The following TEDC1 variants were observed in gnomAD, a reference collection of about 807,000 sequenced individuals.
TEDC1 encodes tubulin epsilon and delta complex 1.
Under a neutral mutation model 59.9 loss-of-function variants are expected in TEDC1, and 54 were observed. The observed-to-expected ratio is 0.90, with a 90% CI of 0.72 to 1.13. The LOEUF (loss-of-function observed/expected upper bound fraction) is 1.13. Among genes scored for constraint, TEDC1 ranks in the 50% most tolerant of loss-of-function variants. The probability of loss-of-function intolerance (pLI) is 0.00; values close to 1 mark genes in which losing one functional copy is unlikely to be tolerated. For synonymous variants in TEDC1, 353 were observed against 298.1 expected (o/e 1.18, Z -1.90); for missense variants, 734 against 683.4 (o/e 1.07, Z -0.83).
intron 6 of TEDC1, chr14:105,496,765 C>G (rs903393773): frequency 1.9e-5 from 3 of 159,258 alleles, no homozygotes; most frequent in Non-Finnish European, 4.1e-5. Flanking sequence ...TCTCCTGGCC[C>G]TGCCTGACCC....
chr14:105,492,469 G>A, intron 3 of TEDC1, 110 bp from the exon 4 acceptor site: 2 of 1,457,776 alleles, frequency 1.4e-6, no homozygotes, highest in Non-Finnish European at 1.8e-6. Flanking sequence ...GGCTCCCTGT[G>A]CAGGGAGCAC....
In TEDC1 at chr14:105,498,734, C is replaced by T; in HGVS notation, c.1276C>T (p.Gln426Ter). 1 of 1,557,324 alleles carries T rather than the reference C, an allele frequency of 6.4e-7. No homozygotes were observed. Among genetic ancestry groups the T allele is most frequent in the East Asian group, 2.4e-5 (1 of 41,650 alleles). The change falls in exon 9 of 9, where the codon CAG (glutamine) becomes TAG (stop). Residue 426 changes from glutamine to a stop codon, truncating the protein, a stop_gained. Coordinates refer to ENST00000392523, the MANE Select transcript of TEDC1 (RefSeq NM_001367178.1). LOFTEE classifies it high-confidence loss of function. ...CTGGGAGCGAGACGGTGGCCCGGCC[C>T]AGCCCCATGGGCCACACCGGCTGGT... ...QCWERDGGPA[Q>*]PHGPHRLVRR...
At position 105,497,509 on chromosome 14, in the gene TEDC1, G is replaced by C; in HGVS notation, c.978+66G>C. 2.0e-6 allele frequency: 3 copies of C among 1,506,150 alleles called. No individual in the cohort carries two copies. The South Asian group carries it at 3.6e-5, about 18-fold the overall frequency. The allele number at this position is 1,506,150 out of a possible 1,614,324, so 93.3% of individuals were successfully genotyped here. A position where few individuals can be genotyped will look rare whatever the true frequency, so the allele number is the denominator to read the frequency against. On this transcript the variant is annotated intron_variant, in intron 7 of 8. Transcript: ENST00000392523. ...ACAGCAGCCCCCAGGTGGGGCATTC[G>C]GGATCTTCCTGTTTTCCAGACAGGA...
In TEDC1 at chr14:105,496,128, T is replaced by G. The variant is rs587633790; in HGVS notation, c.891+42T>G. On this transcript the variant is annotated intron_variant, in intron 6 of 8. Transcript: ENST00000392523. ...GGCAGGGAAGTGGAGACCGCAGGAC[T>G]TGGGGGTGGGTGGGAGGGGGTGGCG... is the stretch of plus-strand genomic sequence containing the variant. The G allele has an allele frequency of 7.9e-4, 10 of 12,634 alleles. No homozygotes were observed. In the East Asian group the frequency reaches 0.013, roughly 16 times the overall value. 0.8% of individuals were successfully genotyped at this position (12,634 alleles called of 1,614,324 possible).
Position 105,491,315 on chromosome 14 carries a change from T to G in TEDC1, c.-61T>G. On this transcript the variant is annotated 5_prime_UTR_variant, in exon 1 of 9. The change creates a new upstream start codon in the 5' untranslated region. Transcript: ENST00000392523. ...CACTAAACCCGGCCCGTGCGGTGAT[T>G]GGACGCAGGCCCCGGGCCGCGGCGG... 1 of 1,484,048 alleles carries G rather than the reference T, an allele frequency of 6.7e-7. No individual in the cohort carries two copies. The highest frequency in any genetic ancestry group is 8.9e-7 in the Non-Finnish European group (1 of 1,119,864). 91.9% of individuals were successfully genotyped at this position (1,484,048 alleles called of 1,614,324 possible). A position where few individuals can be genotyped will look rare whatever the true frequency, so the allele number is the denominator to read the frequency against.
At position 105,492,245 on chromosome 14, in the gene TEDC1, C is replaced by A. The variant is rs1555439599; in HGVS notation, c.365C>A (p.Pro122His). The A allele has an allele frequency of 1.2e-6, 2 of 1,611,056 alleles. No homozygotes were observed. Among genetic ancestry groups the A allele is most frequent in the East Asian group, 2.2e-5 (1 of 44,884 alleles). ...LALSWLLARG[P>H]VPEQMLAQAR... Reference sequence around the variant, plus strand: ...CTGTCCTGGCTCTTGGCCCGAGGACCTGTGCCCGAGCAGATGCTGGCCCAG... The same window carrying A: ...CTGTCCTGGCTCTTGGCCCGAGGACATGTGCCCGAGCAGATGCTGGCCCAG... The change falls in exon 3 of 9, where the codon CCT (proline) becomes CAT (histidine). Residue 122 changes from proline (P) to histidine (H), a missense_variant. Coordinates refer to ENST00000392523, the MANE Select transcript of TEDC1 (RefSeq NM_001367178.1).
Position 105,499,014 on chromosome 14 carries a change from A to G in TEDC1, c.*68A>G, listed in dbSNP as rs2084412093. On this transcript the variant is annotated 3_prime_UTR_variant, in exon 9 of 9. Coordinates refer to ENST00000392523, the MANE Select transcript of TEDC1 (RefSeq NM_001367178.1). ...CAGCCTGGCTGGGTCTTGGAGGAGC[A>G]GATTCCAAGGCCAGGTGGCCGCAGG... 2.0e-6 allele frequency: 3 copies of G among 1,472,238 alleles called. No individual in the cohort carries two copies. The allele number at this position is 1,472,238 out of a possible 1,614,324, so 91.2% of individuals were successfully genotyped here. A position where few individuals can be genotyped will look rare whatever the true frequency, so the allele number is the denominator to read the frequency against.
At chr14:105,495,605 C>T in intron 5 of TEDC1, 1 of 410,994 alleles carries the variant, frequency 2.4e-6, no homozygotes, top group Non-Finnish European at 4.4e-6. Flanking sequence ...CTGGCGTTGG[C>T]AGTGCTGAGG....
In TEDC1 at chr14:105,497,778, T is replaced by G. The variant is rs782662004; in HGVS notation, c.979-20T>G. ...TGTCCCCTTGGCTTGGTGCACGCTG[T>G]CTCACTTGGGTCTCTGTAGGACACG... is the stretch of plus-strand genomic sequence containing the variant. On this transcript the variant is annotated intron_variant, in intron 7 of 8. Coordinates refer to ENST00000392523, the MANE Select transcript of TEDC1 (RefSeq NM_001367178.1). 3 of 1,520,346 alleles carry G rather than the reference T, an allele frequency of 2.0e-6. No individual in the cohort carries two copies. The African/African-American group carries it at 4.1e-5, about 21-fold the overall frequency. The allele number at this position is 1,520,346 out of a possible 1,614,324, so 94.2% of individuals were successfully genotyped here.
At position 105,492,702 on chromosome 14, in the gene TEDC1, A is replaced by C; in HGVS notation, c.553A>C (p.Ser185Arg). The change falls in exon 4 of 9, where the codon AGT becomes CGT. Residue 185 changes from serine to arginine, a missense_variant. Transcript: ENST00000392523. The part of the protein sequence containing the change: ...LRFRWRQLVS[S>R]QQEQCALLSK... ...GTTCCGGTGGCGCCAGCTGGTGTCC[A>C]GTCAGCAGGAGCAGTGCGCCCTCCT... The C allele has an allele frequency of 6.5e-7, 1 of 1,544,274 alleles. No homozygotes were observed. Among genetic ancestry groups the C allele is most frequent in the Non-Finnish European group, 8.7e-7 (1 of 1,146,882 alleles).
chr14:105,492,644 C>T lies in TEDC1; in HGVS notation c.495C>T (p.Val165=). Residue 165 remains valine (V), a synonymous_variant, in exon 4 of 9, where the codon GTC becomes GTT. Coordinates refer to ENST00000392523, the MANE Select transcript of TEDC1 (RefSeq NM_001367178.1). ...TGGAAGCAGAGGGTCCTGTGGATGT[C>T]CGCCATGTGCAGTGGCTGATGGGAA... is the stretch of plus-strand genomic sequence containing the variant. ...PHMEAEGPVD[V]RHVQWLMGKL... is the part of the protein sequence containing the mutation. 2.6e-6 allele frequency: 4 copies of T among 1,544,350 alleles called. No homozygotes were observed. Among genetic ancestry groups the T allele is most frequent in the Non-Finnish European group, 3.5e-6 (4 of 1,146,906 alleles).
In TEDC1 at chr14:105,492,310, G is replaced by C. The variant is rs1156587321; in HGVS notation, c.429+1G>C. The C allele has an allele frequency of 1.6e-5, 26 of 1,601,592 alleles. No homozygotes were observed. The highest frequency in any genetic ancestry group is 2.0e-5 in the Non-Finnish European group (24 of 1,179,662). On this transcript the variant is annotated splice_donor_variant, in intron 3 of 8. Coordinates refer to ENST00000392523, the MANE Select transcript of TEDC1 (RefSeq NM_001367178.1). LOFTEE classifies it high-confidence loss of function. ...GGGTGACGAGATGACTGTGTGCCAG[G>C]TGCGTGTGGGTGAGGGTGAGCTGAG...
At chr14:105,497,022 C>T (rs2084361809) in intron 6 of TEDC1, 1 of 427,602 alleles carries the variant, frequency 2.3e-6, no homozygotes, top group Admixed American at 4.3e-5. Flanking sequence ...TGTCCCTGAC[C>T]TTGTTGGACT....
At position 105,491,689 on chromosome 14, in the gene TEDC1, C is replaced by T. The variant is rs782086865; in HGVS notation, c.215C>T (p.Ser72Leu). ...CTCCCTGCGGGCAACGCCTTGGCAT[C>T]GCTCGCCCTGGGTAAGCCCCGCTCC... Reference protein sequence around the residue: ...SPLPAGNALASLALEVQARLV... With the variant: ...SPLPAGNALALLALEVQARLV... The change falls in exon 2 of 9, where the codon TCG becomes TTG. Residue 72 changes from serine to leucine, a missense_variant. Coordinates refer to ENST00000392523, the MANE Select transcript of TEDC1 (RefSeq NM_001367178.1). The T allele has an allele frequency of 6.8e-5, 106 of 1,548,910 alleles. No individual in the cohort carries two copies. Among genetic ancestry groups the T allele is most frequent in the Non-Finnish European group, 8.0e-5 (92 of 1,146,876 alleles).
intron 6 of TEDC1, 147 bp downstream of exon 6, chr14:105,496,233 C>A: frequency 1.3e-6 from 1 of 795,982 alleles, no homozygotes. Context: ...TGATTGCCTT[C>A]TGTCAGGTGT....
chr14:105,492,630 G>A lies in TEDC1; in HGVS notation c.481G>A (p.Gly161Ser), dbSNP rs1555439712. 3.2e-6 allele frequency: 5 copies of A among 1,543,442 alleles called. No homozygotes were observed. Among genetic ancestry groups the A allele is most frequent in the South Asian group, 1.2e-5 (1 of 84,066 alleles). ...ACCTGCACCCCACATGGAAGCAGAG[G>A]GTCCTGTGGATGTCCGCCATGTGCA... ...GPPAPHMEAE[G>S]PVDVRHVQWL... Residue 161 changes from glycine to serine, a missense_variant, in exon 4 of 9, where the codon GGT becomes AGT. Physicochemically the swap from Gly to Ser is moderately conservative, Grantham distance 56. Transcript: ENST00000392523.
chr14:105,497,704 G>T, intron 7 of TEDC1, 94 bp from the exon 8 acceptor site: 12 of 1,406,114 alleles, frequency 8.5e-6, no homozygotes, highest in East Asian at 2.5e-5. Flanking sequence ...CATCCAGCCC[G>T]CTGTGGGACC....
intron 3 of TEDC1, 125 bp downstream of exon 3, chr14:105,492,434 C>T (rs1193135050): frequency 1.3e-6 from 2 of 1,482,150 alleles, no homozygotes; most frequent in East Asian, 2.4e-5. Flanking sequence ...GAAGGGTTAC[C>T]CAGCTGCCCA....
At chr14:105,490,817 C>T (rs2084188868), upstream of TEDC1, 1 of 612,712 alleles carries the variant, frequency 1.6e-6, no homozygotes. Context: ...GCGTAAGCGG[C>T]CCCACAGGGC....
Sources: allele counts gnomAD v4.1 joint callset, GRCh38; gene constraint gnomAD v4.1.1; transcripts MANE v1.5; gene names NCBI Gene and HGNC (gene_info 2026-07-23, HGNC 2026-07-21).